The following COL4A6 variants were observed in gnomAD, a reference collection of about 807,000 sequenced individuals.
COL4A6 encodes collagen type IV alpha 6 chain.
Under a neutral mutation model 126.7 loss-of-function variants are expected in COL4A6, and 59 were observed. The ratio of observed to expected loss-of-function variants is 0.47; its 90% confidence interval spans 0.38 to 0.58. The LOEUF is 0.58. COL4A6 is among the 20% of genes least tolerant of loss of function. The pLI is 0.00. For synonymous variants in COL4A6, 547 were observed against 496.6 expected (o/e 1.10, Z -1.35); for missense variants, 1,285 against 1,337.3 (o/e 0.96, Z 0.61).
chrX:108,320,591 G>A (rs772970678), intron 2 of COL4A6, among the ~76,000 whole-genome samples: 1 of 111,353 alleles, frequency 9.0e-6, no homozygotes, highest in Non-Finnish European at 1.9e-5. Context: ...GAAATGCATC[G>A]GTTTTAGGAT....
At chrX:108,418,127 T>C (rs1335146641) in intron 2 of COL4A6, among the ~76,000 whole-genome samples, 1 of 112,132 alleles carries the variant, frequency 8.9e-6, no homozygotes, top group Non-Finnish European at 1.9e-5. Flanking sequence ...GGTGCTTTTC[T>C]AGCTTCTAAG....
chrX:108,266,292 A>C (rs976563029), intron 3 of COL4A6, among the ~76,000 whole-genome samples: 3 of 111,320 alleles, frequency 2.7e-5, no homozygotes, highest in African/African-American at 9.8e-5. Context: ...ATGGGGAAAT[A>C]GGTGAAAGAG....
intron 2 of COL4A6, among the ~76,000 whole-genome samples, chrX:108,398,537 C>T (rs1303491629): frequency 9.0e-6 from 1 of 110,772 alleles, no homozygotes; most frequent in Non-Finnish European, 1.9e-5. Context: ...CATTCTTGTT[C>T]CTTGTTCTGG....
intron 3 of COL4A6, among the ~76,000 whole-genome samples, chrX:108,234,344 C>T (rs1388778299): frequency 9.0e-6 from 1 of 111,557 alleles, no homozygotes; most frequent in Non-Finnish European, 1.9e-5. Context: ...TCATGTAACT[C>T]CACCAAAAAC....
At chrX:108,187,483 AC>A (rs1401915560) in intron 22 of COL4A6, among the ~76,000 whole-genome samples, 1 of 111,683 alleles carries the variant, frequency 9.0e-6, no homozygotes, top group African/African-American at 3.3e-5. Flanking sequence ...ATCTAACAAC[AC>A]AAAAGTTTCT....
chrX:108,342,290 T>C (rs1336996300), intron 2 of COL4A6, among the ~76,000 whole-genome samples: 2 of 112,359 alleles, frequency 1.8e-5, no homozygotes, highest in African/African-American at 6.5e-5. Flanking sequence ...AGAAGACTTG[T>C]TCATGTGACC....
chrX:108,386,377 A>G (rs1017353534), intron 2 of COL4A6, among the ~76,000 whole-genome samples: 1 of 111,618 alleles, frequency 9.0e-6, no homozygotes, highest in African/African-American at 3.3e-5. Context: ...CCTTTCCAGC[A>G]TTTGTTGTTT....
chrX:108,406,016 G>A (rs761052768), intron 2 of COL4A6, among the ~76,000 whole-genome samples: 62 of 111,305 alleles, frequency 5.6e-4, no homozygotes, highest in African/African-American at 1.8e-3. Flanking sequence ...TGCCCAGGCT[G>A]GAGCACAGAG....
chrX:108,254,084 T>G (rs1050398660), intron 3 of COL4A6, among the ~76,000 whole-genome samples: 2 of 111,250 alleles, frequency 1.8e-5, no homozygotes, highest in Non-Finnish European at 3.8e-5. Flanking sequence ...CTTTGCTATT[T>G]GAGGACTAGC....
intron 3 of COL4A6, among the ~76,000 whole-genome samples, chrX:108,292,993 CAAAAAAA>C (rs149076547): frequency 0.06 from 870 of 14,591 alleles, 15 homozygotes; most frequent in African/African-American, 0.18. Flanking sequence ...AGGAAAAAAG[CAAAAAAA>C]AAAAAAAAAA....
intron 3 of COL4A6, among the ~76,000 whole-genome samples, chrX:108,237,800 T>A (rs1165587709): frequency 9.0e-6 from 1 of 110,607 alleles, no homozygotes; most frequent in Non-Finnish European, 1.9e-5. Flanking sequence ...TTGATATGAG[T>A]CCAGGATATC....
chrX:108,383,201 T>C lies in COL4A6; in HGVS notation c.63+54741A>G, dbSNP rs763388044. On this transcript the variant is annotated intron_variant, in intron 2 of 44. Coordinates refer to ENST00000334504, the MANE Select transcript of COL4A6 (RefSeq NM_033641.4). ...CCCATCTGACCCAACTACAGAGTTA[T>C]AATTTAAGTATAAAGAGTCACACTT... is the stretch of plus-strand genomic sequence containing the variant. Among the ~76,000 whole-genome samples the C allele has an allele frequency of 4.5e-5, 5 of 110,838 alleles. No individual in the cohort carries two copies. In the East Asian group the frequency reaches 1.4e-3, roughly 31 times the overall value.
intron 2 of COL4A6, among the ~76,000 whole-genome samples, chrX:108,403,233 GCTCTCTCTCT>G (rs59212608): frequency 0.016 from 983 of 62,274 alleles, 24 homozygotes; most frequent in East Asian, 0.059. Context: ...GCAAAGATTA[GCTCTCTCTCT>G]CTCTCTCTCT....
intron 3 of COL4A6, among the ~76,000 whole-genome samples, chrX:108,239,285 A>G (rs1305719949): frequency 8.9e-6 from 1 of 112,394 alleles, no homozygotes; most frequent in East Asian, 2.8e-4. Flanking sequence ...ATTTCAGGTT[A>G]TAGAGAAATT....
intron 13 of COL4A6, among the ~76,000 whole-genome samples, chrX:108,202,408 A>G (rs1006798690): frequency 8.9e-6 from 1 of 111,980 alleles, no homozygotes; most frequent in African/African-American, 3.2e-5. Flanking sequence ...TGCCTGGCAC[A>G]TAGGGACCCT....
chrX:108,281,430 A>G (rs1218196514), intron 3 of COL4A6, among the ~76,000 whole-genome samples: 1 of 96,421 alleles, frequency 1.0e-5, no homozygotes, highest in African/African-American at 3.8e-5. Flanking sequence ...TAGGAATCCA[A>G]CTTACAAGGG....
chrX:108,329,750 T>A (rs1343198214), intron 2 of COL4A6, among the ~76,000 whole-genome samples: 2 of 111,480 alleles, frequency 1.8e-5, no homozygotes, highest in East Asian at 5.6e-4. Flanking sequence ...TATTTTTTTA[T>A]GTTTTAAGTT....
chrX:108,311,384 C>G (rs2038755905), intron 2 of COL4A6, among the ~76,000 whole-genome samples: 1 of 110,665 alleles, frequency 9.0e-6, no homozygotes, highest in Non-Finnish European at 1.9e-5. Flanking sequence ...TTTTACAGTA[C>G]CCCCCAAGCT....
At chrX:108,203,234 G>C (rs914384423) in intron 12 of COL4A6, among the ~76,000 whole-genome samples, 2 of 112,011 alleles carry the variant, frequency 1.8e-5, no homozygotes, top group African/African-American at 6.5e-5. Context: ...CAAATACTGA[G>C]GCTAATTGGG....
Sources: allele counts gnomAD v4.1 joint callset (sites outside exome capture counted in the v4.1 genomes callset), GRCh38; gene constraint gnomAD v4.1.1; transcripts MANE v1.5; gene names NCBI Gene and HGNC (gene_info 2026-07-23, HGNC 2026-07-21).